The following AKAP19 variants were observed in gnomAD, a reference collection of about 807,000 sequenced individuals.
The protein encoded by AKAP19 is small A-kinase anchoring protein.
the AKAP19 span, among the ~76,000 whole-genome samples, chr2:190,124,081 G>C: frequency 1.2e-4 from 18 of 152,170 alleles, no homozygotes; most frequent in Non-Finnish European, 2.4e-4. Context: ...CGGCTGCCCT[G>C]GTTCTGAGGC....
chr2:189,915,077 G>T, the AKAP19 span, among the ~76,000 whole-genome samples: 1 of 152,016 alleles, frequency 6.6e-6, no homozygotes, highest in African/African-American at 2.4e-5. Context: ...TGCCTAAAAA[G>T]AAAACGTAAT....
At chr2:189,923,962 C>G in the AKAP19 span, 1 of 1,608,480 alleles carries the variant, frequency 6.2e-7, no homozygotes, top group Non-Finnish European at 8.5e-7. Context: ...AGGAACAGAG[C>G]AAACAAGCAG....
At chr2:190,141,346 G>C in the AKAP19 span, among the ~76,000 whole-genome samples, 3 of 152,078 alleles carry the variant, frequency 2.0e-5, no homozygotes, top group Non-Finnish European at 4.4e-5. Context: ...CACTCTACTG[G>C]TACCAGTTTA....
At chr2:190,192,708 C>T in the AKAP19 span, among the ~76,000 whole-genome samples, 44 of 152,194 alleles carry the variant, frequency 2.9e-4, no homozygotes, top group Middle Eastern at 3.4e-3. Context: ...GTATTTTTCA[C>T]GTACAACGTA....
chr2:190,072,177 A>G, the AKAP19 span, among the ~76,000 whole-genome samples: 1 of 152,188 alleles, frequency 6.6e-6, no homozygotes, highest in African/African-American at 2.4e-5. Context: ...CAAATACTGC[A>G]TGTTCTTACT....
At chr2:189,888,094 T>C in the AKAP19 span, among the ~76,000 whole-genome samples, 1 of 152,190 alleles carries the variant, frequency 6.6e-6, no homozygotes, top group East Asian at 1.9e-4. Context: ...TTTTAGGTCT[T>C]ATGTTTAAGT....
the AKAP19 span, among the ~76,000 whole-genome samples, chr2:190,085,632 C>A: frequency 2.6e-5 from 4 of 152,138 alleles, no homozygotes; most frequent in Non-Finnish European, 5.9e-5. Flanking sequence ...TCCCCTTCCC[C>A]CTGAACAACT....
chr2:190,137,229 T>G, the AKAP19 span, among the ~76,000 whole-genome samples: 2 of 152,184 alleles, frequency 1.3e-5, no homozygotes, highest in East Asian at 3.8e-4. Context: ...TGATAAGCAG[T>G]AAGAAAATAT....
At chr2:189,900,919 G>C in the AKAP19 span, among the ~76,000 whole-genome samples, 2 of 152,168 alleles carry the variant, frequency 1.3e-5, no homozygotes, top group African/African-American at 4.8e-5. Context: ...GTACGCTACT[G>C]ATAACACCAA....
chr2:189,989,280 CA>C, the AKAP19 span, among the ~76,000 whole-genome samples: 103,976 of 149,992 alleles, frequency 0.69, 36,706 homozygotes, highest in East Asian at 0.86. Context: ...ACCTTCCCCG[CA>C]AAAAAAAAGG....
the AKAP19 span, among the ~76,000 whole-genome samples, chr2:190,082,765 A>G: frequency 1.3e-5 from 2 of 152,334 alleles, no homozygotes; most frequent in Admixed American, 6.5e-5. Flanking sequence ...CAAAGACTAA[A>G]CATGGTAGAA....
At chr2:190,113,882 C>G in the AKAP19 span, among the ~76,000 whole-genome samples, 1 of 152,236 alleles carries the variant, frequency 6.6e-6, no homozygotes, top group Admixed American at 6.5e-5. Context: ...TGCCTGCATA[C>G]AAGACCTTGA....
chr2:189,893,312 C>A, the AKAP19 span, among the ~76,000 whole-genome samples: 1 of 152,214 alleles, frequency 6.6e-6, no homozygotes, highest in Admixed American at 6.5e-5. Flanking sequence ...CAAACAGCCG[C>A]CCAGTTTTGT....
chr2:189,914,131 A>C, the AKAP19 span, among the ~76,000 whole-genome samples: 1 of 152,090 alleles, frequency 6.6e-6, no homozygotes, highest in African/African-American at 2.4e-5. Flanking sequence ...TCCACTACTG[A>C]ACTGTCTCAC....
chr2:189,992,251 T>C, the AKAP19 span, among the ~76,000 whole-genome samples: 1 of 152,068 alleles, frequency 6.6e-6, no homozygotes, highest in African/African-American at 2.4e-5. Flanking sequence ...AGACAGGTTT[T>C]CACCATGTTG....
chr2:189,977,094 TG>T, the AKAP19 span, among the ~76,000 whole-genome samples: 2 of 152,242 alleles, frequency 1.3e-5, no homozygotes, highest in African/African-American at 4.8e-5. Flanking sequence ...AGACTGAAGC[TG>T]TTCCTATTTG....
At chr2:190,174,840 T>C in the AKAP19 span, among the ~76,000 whole-genome samples, 209 of 152,354 alleles carry the variant, frequency 1.4e-3, 2 homozygotes, top group African/African-American at 4.8e-3. Context: ...TGAAGACTTA[T>C]AGAAGCTTGG....
the AKAP19 span, among the ~76,000 whole-genome samples, chr2:190,038,941 T>TTCTTCTTCTTCTTCC: frequency 4.5e-4 from 65 of 143,980 alleles, 1 homozygote; most frequent in African/African-American, 1.6e-3. Flanking sequence ...CTTCTTCTTC[T>TTCTTCTTCTTCTTCC]TCTTCTTCTT....
At chr2:190,146,949 T>C in the AKAP19 span, among the ~76,000 whole-genome samples, 2 of 152,214 alleles carry the variant, frequency 1.3e-5, no homozygotes, top group Non-Finnish European at 2.9e-5. Context: ...ACTTTGTGGG[T>C]TCTCTGTTTA....
Sources: allele counts gnomAD v4.1 joint callset (sites outside exome capture counted in the v4.1 genomes callset), GRCh38; gene constraint gnomAD v4.1.1; transcripts MANE v1.5; gene names NCBI Gene and HGNC (gene_info 2026-07-23, HGNC 2026-07-21).